Variants in AP2A2 observed in about 807,000 individuals in gnomAD.
AP2A2 encodes the protein adaptor related protein complex 2 subunit alpha 2.
Under a neutral mutation model 104.2 loss-of-function variants are expected in AP2A2, and 32 were observed. The ratio of observed to expected loss-of-function variants is 0.31; its 90% CI spans 0.23 to 0.41. The LOEUF (loss-of-function observed/expected upper bound fraction) is 0.41. Ranked by LOEUF, AP2A2 falls within the 10% of genes least tolerant of loss-of-function variation. The pLI is 1.00. For missense variants in AP2A2, 912 were observed against 1,261.0 expected (o/e 0.72, Z 4.19); for synonymous variants, 539 against 533.3 (o/e 1.01, Z -0.15).
In AP2A2 at chr11:1,011,096, G is replaced by C; in HGVS notation, c.*471G>C. 1 of 595,342 alleles carries C rather than the reference G, an allele frequency of 1.7e-6. No homozygotes were observed. The highest frequency in any genetic ancestry group is 1.4e-5 in the South Asian group (1 of 71,648). The allele number at this position is 595,342 out of a possible 1,614,324, so 36.9% of individuals were successfully genotyped here. On this transcript the variant is annotated 3_prime_UTR_variant, in exon 22 of 22. Coordinates refer to ENST00000448903, the MANE Select transcript of AP2A2 (RefSeq NM_012305.4). ...GCGTCGTCCTGGGCCCTTGGGAGGA[G>C]CACAGCTGACCCTGGTTTTGCTGCA...
intron 1 of AP2A2, among the ~76,000 whole-genome samples, chr11:950,665 C>T (rs192182893): frequency 6.6e-6 from 1 of 151,998 alleles, no homozygotes; most frequent in Admixed American, 6.5e-5. Context: ...ACGTGTGCTA[C>T]AAAATACTAT....
intron 1 of AP2A2, among the ~76,000 whole-genome samples, chr11:939,564 C>T (rs2134476669): frequency 6.6e-6 from 1 of 152,102 alleles, no homozygotes; most frequent in Non-Finnish European, 1.5e-5. Context: ...CCTGCCTCAG[C>T]CTCCCGAGTA....
At chr11:987,766 C>T (rs565011116) in intron 9 of AP2A2, among the ~76,000 whole-genome samples, 5 of 152,332 alleles carry the variant, frequency 3.3e-5, no homozygotes, top group African/African-American at 9.6e-5. Context: ...GGGGACCCTG[C>T]GGTGTGTCCA....
chr11:1,011,428 C>T lies in AP2A2; in HGVS notation c.*803C>T, dbSNP rs749276719. The T allele has an allele frequency of 1.2e-5, 6 of 501,772 alleles. No homozygotes were observed. Among genetic ancestry groups the T allele is most frequent in the Non-Finnish European group, 2.4e-5 (6 of 251,582 alleles). 31.1% of individuals were successfully genotyped at this position (501,772 alleles called of 1,614,324 possible). ...TGTCAGAGTGGGCGTCCCCAGGCCA[C>T]GGTGCAGGCCTGAGTCCTTCCACCG... On this transcript the variant is annotated 3_prime_UTR_variant, in exon 22 of 22. Transcript: ENST00000448903.
At chr11:928,732 A>AG (rs1853198197) in intron 1 of AP2A2, among the ~76,000 whole-genome samples, 1 of 152,242 alleles carries the variant, frequency 6.6e-6, no homozygotes, top group Non-Finnish European at 1.5e-5. Context: ...AGCTCGTAGA[A>AG]GAAGGGGTGC....
At chr11:994,334 A>G (rs1855768474) in intron 14 of AP2A2, 89 bp downstream of exon 14, 2 of 1,513,706 alleles carry the variant, frequency 1.3e-6, no homozygotes, top group Non-Finnish European at 1.8e-6. Flanking sequence ...GTCAGGGAGG[A>G]GCATGTACTG....
chr11:940,062 C>T (rs1853594967), intron 1 of AP2A2, among the ~76,000 whole-genome samples: 1 of 147,380 alleles, frequency 6.8e-6, no homozygotes, highest in Non-Finnish European at 1.5e-5. Context: ...TCAAGCGATT[C>T]TCCTGCCTCA....
intron 1 of AP2A2, among the ~76,000 whole-genome samples, chr11:933,755 C>T (rs1328085795): frequency 6.6e-6 from 1 of 152,194 alleles, no homozygotes; most frequent in African/African-American, 2.4e-5. Flanking sequence ...ACCCCAGAGA[C>T]ACAGGGAGCT....
rs991284263 is a variant in AP2A2 at position 1,012,228 on chromosome 11, G to A, written c.*1603G>A. The A allele has an allele frequency of 4.6e-5, 7 of 152,294 alleles. No homozygotes were observed. Among genetic ancestry groups the A allele is most frequent in the African/African-American group, 1.7e-4 (7 of 41,448 alleles). 9.4% of individuals were successfully genotyped at this position (152,294 alleles called of 1,614,324 possible). A position where few individuals can be genotyped will look rare whatever the true frequency, so the allele number is the denominator to read the frequency against. ...GCACTCCTCGTCAAAGAAAAATAAA[G>A]GCTAGAACTGCACCCCGGATCACGC... On this transcript the variant is annotated 3_prime_UTR_variant, in exon 22 of 22. Transcript: ENST00000448903.
chr11:935,601 CAGT>C (rs1853427661), intron 1 of AP2A2, among the ~76,000 whole-genome samples: 1 of 54,974 alleles, frequency 1.8e-5, no homozygotes. Context: ...TGTGCCCGGC[CAGT>C]TTTTTTTTTT....
chr11:1,007,572 C>G (rs995561321), intron 17 of AP2A2: 3 of 214,410 alleles, frequency 1.4e-5, no homozygotes, highest in African/African-American at 7.1e-5. Context: ...TAGGCAAACC[C>G]TTGTTTTCCA....
intron 1 of AP2A2, among the ~76,000 whole-genome samples, chr11:955,603 C>T (rs937114682): frequency 2.6e-5 from 4 of 152,182 alleles, no homozygotes; most frequent in Non-Finnish European, 4.4e-5. Context: ...CTGTTGTGTT[C>T]CCAGCACCTG....
At chr11:942,030 C>T (rs1352134490) in intron 1 of AP2A2, among the ~76,000 whole-genome samples, 1 of 151,542 alleles carries the variant, frequency 6.6e-6, no homozygotes, top group African/African-American at 2.4e-5. Flanking sequence ...AGGTTCACTC[C>T]ATTCTCCTGC....
intron 2 of AP2A2, among the ~76,000 whole-genome samples, chr11:969,125 T>C (rs1854727575): frequency 6.6e-6 from 1 of 151,598 alleles, no homozygotes; most frequent in African/African-American, 2.4e-5. Context: ...AGGCCACCTT[T>C]CTCGCTCGCC....
chr11:984,252 G>T (rs1028844615), intron 6 of AP2A2, among the ~76,000 whole-genome samples: 1 of 152,248 alleles, frequency 6.6e-6, no homozygotes, highest in Non-Finnish European at 1.5e-5. Context: ...GCCTGTGGTC[G>T]GGGGGCCCTG....
chr11:1,002,340 C>T (rs1856056216), intron 15 of AP2A2, among the ~76,000 whole-genome samples: 1 of 152,258 alleles, frequency 6.6e-6, no homozygotes, highest in Admixed American at 6.5e-5. Context: ...GCGATCTCTG[C>T]TTTGTTAGCC....
intron 14 of AP2A2, chr11:995,258 T>TG: frequency 2.2e-6 from 1 of 454,872 alleles, no homozygotes; most frequent in South Asian, 1.5e-5. Context: ...TGTAGTGAGT[T>TG]GGGTTAGGTC....
chr11:947,623 C>T (rs1182012301), intron 1 of AP2A2, among the ~76,000 whole-genome samples: 1 of 152,048 alleles, frequency 6.6e-6, no homozygotes, highest in African/African-American at 2.4e-5. Flanking sequence ...TGGCAAAACC[C>T]CATCTCTACT....
intron 10 of AP2A2, among the ~76,000 whole-genome samples, chr11:990,351 C>T (rs1165053688): frequency 6.6e-6 from 1 of 152,202 alleles, no homozygotes; most frequent in Non-Finnish European, 1.5e-5. Flanking sequence ...TGGTCCCTCT[C>T]TGGCCTGGCT....
Sources: allele counts gnomAD v4.1 joint callset (sites outside exome capture counted in the v4.1 genomes callset), GRCh38; gene constraint gnomAD v4.1.1; transcripts MANE v1.5; gene names NCBI Gene and HGNC (gene_info 2026-07-23, HGNC 2026-07-21).